Variants in ADGB observed in about 807,000 individuals in gnomAD.
The protein encoded by ADGB is calpain-7-like protein.
Under a neutral mutation model 210.5 loss-of-function variants are expected in ADGB, and 172 were observed. The observed-to-expected ratio is 0.82, with a 90% CI of 0.72 to 0.93. The LOEUF (loss-of-function observed/expected upper bound fraction) is 0.93, where lower values mean the gene tolerates loss of function less well. Ranked by LOEUF, ADGB falls within the 40% of genes least tolerant of loss-of-function variation. ADGB has a pLI of 0.00. For missense variants in ADGB, 2,025 were observed against 1,964.8 expected (o/e 1.03, Z -0.58); for synonymous variants, 658 against 662.7 (o/e 0.99, Z 0.11).
At chr6:146,793,902 C>T (rs1408194028) in intron 33 of ADGB, among the ~76,000 whole-genome samples, 1 of 152,172 alleles carries the variant, frequency 6.6e-6, no homozygotes, top group Non-Finnish European at 1.5e-5. Context: ...AGAGTCACTG[C>T]TGCCAAAGAG....
chr6:146,614,586 A>G (rs961908358), intron 1 of ADGB, among the ~76,000 whole-genome samples: 6 of 152,174 alleles, frequency 3.9e-5, no homozygotes, highest in African/African-American at 1.4e-4. Flanking sequence ...ATTAATACAT[A>G]ACTGTACATA....
intron 13 of ADGB, among the ~76,000 whole-genome samples, chr6:146,707,674 C>G (rs942457829): frequency 1.2e-4 from 19 of 152,078 alleles, no homozygotes; most frequent in African/African-American, 4.6e-4. Flanking sequence ...TTTTGCCTTA[C>G]ATTTGCACGG....
chr6:146,674,678 A>T (rs1776062671), intron 8 of ADGB, among the ~76,000 whole-genome samples: 1 of 152,174 alleles, frequency 6.6e-6, no homozygotes, highest in Non-Finnish European at 1.5e-5. Flanking sequence ...TTTAAAATAG[A>T]TGTGGCAAGG....
At chr6:146,698,776 T>A (rs2114541512) in intron 12 of ADGB, among the ~76,000 whole-genome samples, 1 of 152,232 alleles carries the variant, frequency 6.6e-6, no homozygotes, top group East Asian at 1.9e-4. Flanking sequence ...TGAGATGGGG[T>A]CTTGCTCTGT....
At chr6:146,677,219 C>A (rs1451499033) in intron 9 of ADGB, among the ~76,000 whole-genome samples, 1 of 152,070 alleles carries the variant, frequency 6.6e-6, no homozygotes, top group Non-Finnish European at 1.5e-5. Flanking sequence ...AAAAATGATA[C>A]CGCAACCTAT....
chr6:146,724,411 GACTCTAAGACATTGT>G (rs1194380203), intron 18 of ADGB, 84 bp downstream of exon 18: 1 of 1,315,710 alleles, frequency 7.6e-7, no homozygotes, highest in Non-Finnish European at 1.0e-6. Context: ...AAACAATATG[GACTCTAAGACATTGT>G]TTCTCAAAGC....
chr6:146,705,156 T>G (rs578027810), intron 13 of ADGB, among the ~76,000 whole-genome samples: 1 of 152,262 alleles, frequency 6.6e-6, no homozygotes, highest in South Asian at 2.1e-4. Context: ...GAAACTTTAT[T>G]GAGTTTATAT....
intron 35 of ADGB, among the ~76,000 whole-genome samples, chr6:146,806,518 TA>T (rs1462387113): frequency 6.6e-6 from 1 of 152,164 alleles, no homozygotes; most frequent in African/African-American, 2.4e-5. Context: ...TTATCTTTTG[TA>T]AAAACTTCGG....
chr6:146,728,095 G>C (rs1776923946), intron 19 of ADGB, among the ~76,000 whole-genome samples: 1 of 152,130 alleles, frequency 6.6e-6, no homozygotes, highest in African/African-American at 2.4e-5. Context: ...GTTTTCTCCA[G>C]TTTTTAAAAA....
At chr6:146,626,255 C>T (rs1192642596) in intron 1 of ADGB, among the ~76,000 whole-genome samples, 1 of 151,884 alleles carries the variant, frequency 6.6e-6, no homozygotes, top group Admixed American at 6.6e-5. Context: ...ATATTATAAA[C>T]CTCGTATTAC....
At chr6:146,691,498 A>AT (rs1319836837) in intron 11 of ADGB, among the ~76,000 whole-genome samples, 20 of 17,062 alleles carry the variant, frequency 1.2e-3, no homozygotes, top group African/African-American at 2.3e-3. Flanking sequence ...ATATATATAT[A>AT]TATTTTTTTT....
At chr6:146,712,105 G>T in intron 13 of ADGB, among the ~76,000 whole-genome samples, 1 of 150,726 alleles carries the variant, frequency 6.6e-6, no homozygotes, top group East Asian at 1.9e-4. Context: ...TCTTTTATAT[G>T]TGACTCTTTT....
chr6:146,629,796 T>G (rs1485248766), intron 1 of ADGB, among the ~76,000 whole-genome samples: 4 of 152,202 alleles, frequency 2.6e-5, no homozygotes, highest in Non-Finnish European at 5.9e-5. Context: ...TGAAAACTAT[T>G]CTAGTCATCC....
intron 18 of ADGB, chr6:146,725,372 G>A (rs73575913): frequency 0.065 from 9,910 of 152,326 alleles, 1,059 homozygotes; most frequent in African/African-American, 0.22. Flanking sequence ...GGAGGTTAGC[G>A]GTGCCTGAGC....
intron 35 of ADGB, among the ~76,000 whole-genome samples, chr6:146,809,095 T>C (rs1778259527): frequency 1.3e-5 from 2 of 151,970 alleles, no homozygotes; most frequent in South Asian, 4.2e-4. Context: ...TGGAACATGT[T>C]CTGCTACTTG....
At chr6:146,801,162 G>T in intron 33 of ADGB, 21 bp from the exon 34 acceptor site, 2 of 1,357,212 alleles carry the variant, frequency 1.5e-6, no homozygotes, top group Non-Finnish European at 2.0e-6. Context: ...GTTTTTTGTT[G>T]TGTGTGTGTT....
intron 10 of ADGB, among the ~76,000 whole-genome samples, chr6:146,686,808 G>C (rs751328679): frequency 1.3e-4 from 20 of 152,040 alleles, no homozygotes; most frequent in Admixed American, 1.1e-3. Flanking sequence ...CTACATTAAA[G>C]TATACAACTG....
Position 146,727,933 on chromosome 6 carries a change from G to A in ADGB, c.2353-641G>A, listed in dbSNP as rs76835751. Reference sequence around the variant, plus strand: ...TTCCTCAAAATTTCAGGAGAGAATCGGGAATCATGATTGCACCATGGTGCC... The same window carrying A: ...TTCCTCAAAATTTCAGGAGAGAATCAGGAATCATGATTGCACCATGGTGCC... On this transcript the variant is annotated intron_variant, in intron 19 of 35. Transcript: ENST00000397944. Among the ~76,000 whole-genome samples, 81 of 152,258 alleles carry A rather than the reference G, an allele frequency of 5.3e-4. 1 individual carries two copies. The East Asian group carries it at 0.015, about 27-fold the overall frequency.
At chr6:146,738,701 G>A (rs957228873) in intron 23 of ADGB, among the ~76,000 whole-genome samples, 2 of 151,860 alleles carry the variant, frequency 1.3e-5, no homozygotes, top group Admixed American at 6.6e-5. Flanking sequence ...ACCTGCCTCC[G>A]CCTCCCAAAG....
Sources: gnomAD v4.1 joint callset for allele counts (sites outside exome capture counted in the v4.1 genomes callset) on GRCh38, gnomAD v4.1.1 for gene constraint, MANE v1.5 for transcripts, NCBI Gene and HGNC (gene_info 2026-07-23, HGNC 2026-07-21) for gene names.